Variants in SPATS2L observed in about 807,000 individuals in gnomAD.
SPATS2L encodes the protein spermatogenesis associated serine rich 2 like.
SPATS2L carries 30 observed loss-of-function variants against 59.6 expected under a neutral mutation model. The observed-to-expected ratio is 0.50, with a 90% confidence interval of 0.38 to 0.68. SPATS2L has a LOEUF of 0.68. SPATS2L is among the 30% of genes least tolerant of loss of function. SPATS2L has a pLI of 0.00. For synonymous variants in SPATS2L, 252 were observed against 263.5 expected (o/e 0.96, Z 0.42); for missense variants, 615 against 700.0 (o/e 0.88, Z 1.37).
intron 12 of SPATS2L, 119 bp from the exon 13 acceptor site, chr2:200,477,515 TAA>T (rs59073895): frequency 0.051 from 14,945 of 294,544 alleles, 22 homozygotes; most frequent in East Asian, 0.1. Context: ...TTCTGGTGTA[TAA>T]AAAAAAAAAA....
At chr2:200,389,477 A>G (rs2082103396) in intron 3 of SPATS2L, 194 bp downstream of exon 3, 2 of 489,268 alleles carry the variant, frequency 4.1e-6, no homozygotes, top group African/African-American at 3.9e-5. Flanking sequence ...AGCATATGAC[A>G]CTCATTTTTT....
intron 11 of SPATS2L, among the ~76,000 whole-genome samples, chr2:200,471,013 A>G (rs2086987055): frequency 6.6e-6 from 1 of 152,106 alleles, no homozygotes; most frequent in Admixed American, 6.6e-5. Context: ...TGCAAAAATT[A>G]GCTGGGCGTG....
chr2:200,428,811 C>T (rs1012359849), intron 6 of SPATS2L, among the ~76,000 whole-genome samples: 1 of 152,180 alleles, frequency 6.6e-6, no homozygotes, highest in African/African-American at 2.4e-5. Flanking sequence ...TCTCACTCCC[C>T]ATTTCCAGTC....
chr2:200,477,686 C>T lies in SPATS2L; in HGVS notation c.1332C>T (p.Asn444=). ...RRRFNPQYHN[N]RLNGPAKSQG... The stretch of plus-strand genomic sequence containing the variant: ...GATTTAATCCACAGTATCATAACAA[C>T]AGGCTAAATGGGCCTGCCAAGTCGC... Residue 444 remains asparagine (N), a synonymous_variant, in exon 13 of 13, where the codon AAC becomes AAT. Transcript: ENST00000409140. 6.4e-7 allele frequency: 1 copy of T among 1,566,292 alleles called. No individual in the cohort carries two copies. The highest frequency in any genetic ancestry group is 8.7e-7 in the Non-Finnish European group (1 of 1,154,908).
intron 2 of SPATS2L, among the ~76,000 whole-genome samples, chr2:200,381,205 T>C (rs954316969): frequency 3.9e-5 from 6 of 152,204 alleles, no homozygotes. Flanking sequence ...GTGCCCCTGA[T>C]TGTGCTTAGG....
chr2:200,420,709 C>T (rs2083274021), intron 6 of SPATS2L, among the ~76,000 whole-genome samples: 1 of 152,080 alleles, frequency 6.6e-6, no homozygotes, highest in Non-Finnish European at 1.5e-5. Flanking sequence ...CTTGGAAATC[C>T]AAACAAATGT....
At chr2:200,406,296 A>G (rs1191263253) in intron 3 of SPATS2L, among the ~76,000 whole-genome samples, 2 of 152,004 alleles carry the variant, frequency 1.3e-5, no homozygotes, top group Non-Finnish European at 2.9e-5. Context: ...CACCTTTGCC[A>G]ATCGGGATTA....
chr2:200,469,716 C>A, intron 10 of SPATS2L, 198 bp from the exon 11 acceptor site: 1 of 518,090 alleles, frequency 1.9e-6, no homozygotes, highest in Non-Finnish European at 3.4e-6. Context: ...TCACATATTC[C>A]CCAGGCAGGA....
At chr2:200,469,554 GT>G (rs2106227149) in intron 10 of SPATS2L, among the ~76,000 whole-genome samples, 1 of 152,316 alleles carries the variant, frequency 6.6e-6, no homozygotes, top group East Asian at 1.9e-4. Context: ...TCTCTTGATG[GT>G]TAATACCTTA....
rs993578997 is a variant in SPATS2L, at chr2:200,481,641, C to T, written c.*3610C>T. 6 of 152,230 alleles carry T rather than the reference C, an allele frequency of 3.9e-5. No homozygotes were observed. The highest frequency in any genetic ancestry group is 1.2e-4 in the African/African-American group (5 of 41,438). The allele number at this position is 152,230 out of a possible 1,614,324, so 9.4% of individuals were successfully genotyped here. A position where few individuals can be genotyped will look rare whatever the true frequency, so the allele number is the denominator to read the frequency against. On this transcript the variant is annotated 3_prime_UTR_variant, in exon 13 of 13. Coordinates refer to ENST00000409140, the MANE Select transcript of SPATS2L (RefSeq NM_001100423.2). The stretch of plus-strand genomic sequence containing the variant: ...AACGTTTATTTCTCAACAGACATTC[C>T]AGTGATAGCATCCAATGACCTATGT...
rs79329287 is a variant in SPATS2L at position 200,434,582 on chromosome 2, T to C, written c.446-4540T>C. ...CATTTGTATTCCTGACATTTTGGAATTGAAATTTTTAAAAATGCTATAAAC... is the reference window on the plus strand; with the variant it reads ...CATTTGTATTCCTGACATTTTGGAACTGAAATTTTTAAAAATGCTATAAAC... On this transcript the variant is annotated intron_variant, in intron 6 of 12. Coordinates refer to ENST00000409140, the MANE Select transcript of SPATS2L (RefSeq NM_001100423.2). Among the ~76,000 whole-genome samples, 8 of 152,222 alleles carry C rather than the reference T, an allele frequency of 5.3e-5. No homozygotes were observed. In the East Asian group the frequency reaches 1.5e-3, roughly 29 times the overall value.
At chr2:200,370,187 C>G (rs900063528) in intron 2 of SPATS2L, among the ~76,000 whole-genome samples, 17 of 152,192 alleles carry the variant, frequency 1.1e-4, no homozygotes, top group African/African-American at 3.4e-4. Flanking sequence ...AACATAAAAG[C>G]TCAGCAAAAT....
upstream of SPATS2L, chr2:200,306,439 T>C (rs2079013208): frequency 3.0e-6 from 3 of 1,002,114 alleles, no homozygotes; most frequent in South Asian, 4.7e-5. Context: ...TGTACTGGGA[T>C]TCTTCTAGAA....
intron 2 of SPATS2L, among the ~76,000 whole-genome samples, chr2:200,339,830 G>A (rs1410898812): frequency 2.6e-5 from 4 of 152,116 alleles, no homozygotes; most frequent in African/African-American, 4.8e-5. Flanking sequence ...TATTTTTAAC[G>A]TTTGTGGCAT....
intron 6 of SPATS2L, among the ~76,000 whole-genome samples, chr2:200,429,989 T>C (rs2083811858): frequency 6.6e-6 from 1 of 152,202 alleles, no homozygotes; most frequent in African/African-American, 2.4e-5. Context: ...GTTTACTTCC[T>C]TGGGGAATTC....
intron 8 of SPATS2L, among the ~76,000 whole-genome samples, chr2:200,458,184 T>G (rs2085984949): frequency 6.6e-6 from 1 of 152,218 alleles, no homozygotes; most frequent in South Asian, 2.1e-4. Context: ...ATAAAGTTTC[T>G]CTTTATGGAA....
At chr2:200,342,746 T>C (rs1387037136) in intron 2 of SPATS2L, among the ~76,000 whole-genome samples, 13 of 152,250 alleles carry the variant, frequency 8.5e-5, no homozygotes, top group African/African-American at 2.9e-4. Context: ...TTTGTGATCA[T>C]AATGAGTTAT....
intron 8 of SPATS2L, among the ~76,000 whole-genome samples, chr2:200,454,253 C>T (rs1032916527): frequency 2.0e-5 from 3 of 152,168 alleles, no homozygotes; most frequent in South Asian, 2.1e-4. Flanking sequence ...TTTCATTCCT[C>T]GGTATCTACC....
In SPATS2L at chr2:200,477,935, C is replaced by T. The variant is rs372977141; in HGVS notation, c.1581C>T (p.Val527=). 151 of 1,611,976 alleles carry T rather than the reference C, an allele frequency of 9.4e-5. No individual in the cohort carries two copies. In the African/African-American group the frequency reaches 1.5e-3, roughly 16 times the overall value. Residue 527 remains valine (V), a synonymous_variant, in exon 13 of 13, where the codon GTC becomes GTT. Coordinates refer to ENST00000409140, the MANE Select transcript of SPATS2L (RefSeq NM_001100423.2). Reference sequence around the variant, plus strand: ...AGGCCAGGCCCTTCCGGGGTAGTGTCGGTAGGGTTTCACAGTGCAATCTCT... The same window carrying T: ...AGGCCAGGCCCTTCCGGGGTAGTGTTGGTAGGGTTTCACAGTGCAATCTCT... ...TSEARPFRGS[V]GRVSQCNLCP...
Sources: gnomAD v4.1 joint callset for allele counts (sites outside exome capture counted in the v4.1 genomes callset) on GRCh38, gnomAD v4.1.1 for gene constraint, MANE v1.5 for transcripts, NCBI Gene and HGNC (gene_info 2026-07-23, HGNC 2026-07-21) for gene names.